CNTN1: variants seen among roughly 807,000 people sequenced by gnomAD.
CNTN1 encodes the protein contactin 1.
A neutral mutation model predicts 126.4 loss-of-function variants in CNTN1; 38 were observed. The ratio of observed to expected loss-of-function variants is 0.30; its 90% CI spans 0.23 to 0.39. The LOEUF is 0.39. Ranked by LOEUF, CNTN1 falls within the 10% of genes least tolerant of loss-of-function variation. The probability of loss-of-function intolerance (pLI) is 1.00; values close to 1 mark genes in which losing one functional copy is unlikely to be tolerated. For synonymous variants in CNTN1, 413 were observed against 422.6 expected, an observed-to-expected ratio of 0.98 and a Z score of 0.28; for missense variants, 1,009 against 1,248.4, an observed-to-expected ratio of 0.81 and a Z score of 2.89.
intron 1 of CNTN1, among the ~76,000 whole-genome samples, chr12:40,800,267 A>G (rs190155858): frequency 6.6e-6 from 1 of 151,918 alleles, no homozygotes; most frequent in Non-Finnish European, 1.5e-5. Context: ...GAAGGTGCCT[A>G]CTTCTCCCTT....
intron 23 of CNTN1, among the ~76,000 whole-genome samples, chr12:41,048,942 A>G (rs1949610042): frequency 6.6e-6 from 1 of 152,130 alleles, no homozygotes; most frequent in South Asian, 2.1e-4. Context: ...TTCCAATCAG[A>G]TTTTCACCAC....
intron 1 of CNTN1, among the ~76,000 whole-genome samples, chr12:40,788,881 G>A (rs1048962314): frequency 6.6e-6 from 1 of 152,012 alleles, no homozygotes; most frequent in African/African-American, 2.4e-5. Flanking sequence ...CATATGTAAA[G>A]TACCCGCTAC....
intron 1 of CNTN1, among the ~76,000 whole-genome samples, chr12:40,796,526 A>T (rs1940437572): frequency 6.6e-6 from 1 of 152,092 alleles, no homozygotes; most frequent in African/African-American, 2.4e-5. Context: ...TAAAGTTCAA[A>T]AAGTACTGTA....
chr12:40,707,036 G>A (rs1173224413), intron 1 of CNTN1, among the ~76,000 whole-genome samples: 7 of 109,740 alleles, frequency 6.4e-5, no homozygotes, highest in Middle Eastern at 4.5e-3. Context: ...ACGTGCGCGC[G>A]CGCGCTTGCG....
At chr12:40,941,842 A>T (rs552391233) in intron 12 of CNTN1, among the ~76,000 whole-genome samples, 1 of 152,242 alleles carries the variant, frequency 6.6e-6, no homozygotes, top group South Asian at 2.1e-4. Flanking sequence ...TAAGGATAAG[A>T]TCTTGAGAGT....
intron 1 of CNTN1, among the ~76,000 whole-genome samples, chr12:40,708,479 C>G (rs1439463713): frequency 2.0e-5 from 3 of 152,186 alleles, no homozygotes; most frequent in Non-Finnish European, 4.4e-5. Context: ...GGGAGAGGGT[C>G]TTGCCTAGAT....
intron 19 of CNTN1, among the ~76,000 whole-genome samples, chr12:41,019,227 T>C (rs1305093217): frequency 6.6e-6 from 1 of 152,236 alleles, no homozygotes; most frequent in African/African-American, 2.4e-5. Context: ...AACGAGTACA[T>C]CTTACAGATA....
At chr12:40,900,917 C>T (rs1335094827) in intron 1 of CNTN1, among the ~76,000 whole-genome samples, 1 of 152,184 alleles carries the variant, frequency 6.6e-6, no homozygotes, top group African/African-American at 2.4e-5. Context: ...GTGAAACTGA[C>T]AACCGCTCTG....
intron 1 of CNTN1, among the ~76,000 whole-genome samples, chr12:40,693,422 A>C (rs1050079393): frequency 3.9e-5 from 6 of 152,198 alleles, no homozygotes; most frequent in African/African-American, 1.4e-4. Context: ...AGGTGACCGC[A>C]TCTGGGTAGT....
At position 41,038,679 on chromosome 12, in the gene CNTN1, T is replaced by C. The variant is rs546498128; in HGVS notation, c.2980+9460T>C. 7.6e-4 allele frequency among the ~76,000 whole-genome samples: 115 copies of C among 152,062 alleles called. 1 individual carries two copies. Among genetic ancestry groups the C allele is most frequent in the South Asian group, 3.7e-3 (18 of 4,820 alleles). ...CAAGAGAGCAACTTTCACAAAATAG[T>C]GTGGGTGAAAGTCTTATTTCTCTAA... On this transcript the variant is annotated intron_variant, in intron 23 of 23. Transcript: ENST00000551295.
chr12:40,707,227 CTTTTTTTTTTT>C (rs370984371), intron 1 of CNTN1, among the ~76,000 whole-genome samples: 4 of 109,178 alleles, frequency 3.7e-5, no homozygotes, highest in African/African-American at 1.5e-4. Flanking sequence ...TTTTCTTTTT[CTTTTTTTTTTT>C]TTTTTTTTTT....
intron 1 of CNTN1, among the ~76,000 whole-genome samples, chr12:40,718,378 G>A (rs764747081): frequency 2.1e-4 from 32 of 151,664 alleles, no homozygotes; most frequent in Non-Finnish European, 2.9e-4. Context: ...ATGGGGTTTC[G>A]CCGTGTTGGC....
At chr12:40,709,617 G>C (rs1029604217) in intron 1 of CNTN1, among the ~76,000 whole-genome samples, 4 of 152,172 alleles carry the variant, frequency 2.6e-5, no homozygotes, top group African/African-American at 7.2e-5. Flanking sequence ...ATGTTGTTTA[G>C]TGTAGCCACC....
chr12:40,887,092 C>A (rs1020281033), intron 1 of CNTN1, among the ~76,000 whole-genome samples: 5 of 151,848 alleles, frequency 3.3e-5, no homozygotes, highest in African/African-American at 1.2e-4. Context: ...TAGTTTTTTC[C>A]AATTCTGTGA....
intron 1 of CNTN1, among the ~76,000 whole-genome samples, chr12:40,850,317 C>T (rs1353660163): frequency 6.6e-6 from 1 of 152,042 alleles, no homozygotes; most frequent in Non-Finnish European, 1.5e-5. Context: ...ATAGACTAGG[C>T]CACAGTTATT....
chr12:40,822,222 T>C (rs1334976813), intron 1 of CNTN1, among the ~76,000 whole-genome samples: 1 of 138,532 alleles, frequency 7.2e-6, no homozygotes, highest in Non-Finnish European at 1.5e-5. Flanking sequence ...TGGCATGATC[T>C]CAGCTCACTG....
intron 18 of CNTN1, among the ~76,000 whole-genome samples, chr12:41,015,155 T>G (rs1948749871): frequency 6.6e-6 from 1 of 151,874 alleles, no homozygotes; most frequent in Non-Finnish European, 1.5e-5. Flanking sequence ...TGTAGTCATT[T>G]TCTATACTTA....
chr12:40,990,388 G>A (rs557106928), intron 16 of CNTN1, among the ~76,000 whole-genome samples: 9 of 152,046 alleles, frequency 5.9e-5, no homozygotes, highest in East Asian at 5.8e-4. Flanking sequence ...AGTTTTATGC[G>A]TCTTTGGACC....
In CNTN1 at chr12:40,874,454, C is replaced by T. The variant is rs527586739; in HGVS notation, c.-76-33903C>T. 2.6e-5 allele frequency among the ~76,000 whole-genome samples: 4 copies of T among 152,050 alleles called. No individual in the cohort carries two copies. In the South Asian group the frequency reaches 8.3e-4, roughly 32 times the overall value. ...TATCCTTCTTGTGCATGCTTTTGTT[C>T]TTTCATTATAGATGTGTATATTATT... On this transcript the variant is annotated intron_variant, in intron 1 of 23. Transcript: ENST00000551295.
Sources: gnomAD v4.1 joint callset for allele counts (sites outside exome capture counted in the v4.1 genomes callset) on GRCh38, gnomAD v4.1.1 for gene constraint, MANE v1.5 for transcripts, NCBI Gene and HGNC (gene_info 2026-07-23, HGNC 2026-07-21) for gene names.